ADGRV1: variants seen among roughly 807,000 people sequenced by gnomAD.
ADGRV1 encodes the protein G-protein coupled receptor 98.
Under a neutral mutation model 596.2 loss-of-function variants are expected in ADGRV1, and 359 were observed. That is an observed-to-expected ratio of 0.60 (90% CI 0.55 to 0.66). The LOEUF (loss-of-function observed/expected upper bound fraction) is 0.66. ADGRV1 is among the 30% of genes least tolerant of loss of function. ADGRV1 has a pLI of 0.00. For synonymous variants in ADGRV1, 2,681 were observed against 2,679.2 expected (o/e 1.00, Z -0.02); for missense variants, 7,274 against 7,575.6 (o/e 0.96, Z 1.48).
Position 90,974,451 on chromosome 5 carries a change from A to G in ADGRV1, c.17973+8920A>G, listed in dbSNP as rs558111454. ...ATCACACTACCTGACTTCAAACTATAGTACAAGGCTACATTAACCAAAACA... is the reference window on the plus strand; with the variant it reads ...ATCACACTACCTGACTTCAAACTATGGTACAAGGCTACATTAACCAAAACA... On this transcript the variant is annotated intron_variant, in intron 84 of 89. Transcript: ENST00000405460. Among the ~76,000 whole-genome samples, 432 of 152,340 alleles carry G rather than the reference A, an allele frequency of 2.8e-3. 1 individual carries two copies. The highest frequency in any genetic ancestry group is 0.01 in the African/African-American group (418 of 41,576).
intron 87 of ADGRV1, among the ~76,000 whole-genome samples, chr5:91,119,486 G>A (rs1390164702): frequency 1.3e-5 from 2 of 152,114 alleles, no homozygotes; most frequent in Admixed American, 1.3e-4. Flanking sequence ...CCAACTTATC[G>A]CCTACCCCCA....
chr5:91,088,469 A>G, intron 86 of ADGRV1, among the ~76,000 whole-genome samples: 1 of 152,178 alleles, frequency 6.6e-6, no homozygotes, highest in East Asian at 1.9e-4. Context: ...ATGTAGCAAG[A>G]TCTGCCTAGT....
chr5:90,646,391 G>T (rs545209959), intron 16 of ADGRV1, among the ~76,000 whole-genome samples: 5 of 148,722 alleles, frequency 3.4e-5, no homozygotes, highest in Non-Finnish European at 7.4e-5. Context: ...CCCCCTTTCA[G>T]ATTTCTCGGT....
At chr5:90,562,904 C>G (rs1755048920) in intron 1 of ADGRV1, among the ~76,000 whole-genome samples, 1 of 152,112 alleles carries the variant, frequency 6.6e-6, no homozygotes, top group South Asian at 2.1e-4. Context: ...ATTTTAATTT[C>G]ATAAATCTAT....
intron 74 of ADGRV1, among the ~76,000 whole-genome samples, chr5:90,812,022 G>A (rs930368813): frequency 3.3e-5 from 5 of 150,406 alleles, no homozygotes; most frequent in Admixed American, 6.7e-5. Flanking sequence ...TCTGCCTCCC[G>A]GGTTCAAGCA....
chr5:91,157,669 CTGT>C, intron 89 of ADGRV1, among the ~76,000 whole-genome samples: 1 of 152,242 alleles, frequency 6.6e-6, no homozygotes, highest in Middle Eastern at 3.4e-3. Flanking sequence ...TTCTTTTATA[CTGT>C]TACCATTACA....
intron 86 of ADGRV1, among the ~76,000 whole-genome samples, chr5:91,094,350 T>G (rs563625258): frequency 6.6e-6 from 1 of 151,528 alleles, no homozygotes; most frequent in South Asian, 2.1e-4. Context: ...TCCCAGCTAC[T>G]CGGGAGACTG....
chr5:90,832,564 T>A (rs1337828593), intron 77 of ADGRV1, among the ~76,000 whole-genome samples: 1 of 152,138 alleles, frequency 6.6e-6, no homozygotes, highest in African/African-American at 2.4e-5. Context: ...TCTCTTCACT[T>A]TGTTGATTGT....
intron 87 of ADGRV1, among the ~76,000 whole-genome samples, chr5:91,134,485 C>T (rs563752530): frequency 3.3e-5 from 5 of 152,316 alleles, no homozygotes; most frequent in South Asian, 4.1e-4. Flanking sequence ...TGAGCCACTG[C>T]GCCCAACTGC....
At chr5:90,802,207 T>G (rs1259339208) in intron 70 of ADGRV1, among the ~76,000 whole-genome samples, 1 of 152,004 alleles carries the variant, frequency 6.6e-6, no homozygotes, top group Non-Finnish European at 1.5e-5. Context: ...TTGTTTAGTT[T>G]TGTTTGTTCT....
At chr5:90,990,185 A>G (rs1780850714) in intron 85 of ADGRV1, among the ~76,000 whole-genome samples, 1 of 152,076 alleles carries the variant, frequency 6.6e-6, no homozygotes, top group African/African-American at 2.4e-5. Context: ...TCATTTGTCT[A>G]CCTACAAAGT....
intron 83 of ADGRV1, among the ~76,000 whole-genome samples, chr5:90,876,394 A>G (rs1449326023): frequency 6.6e-6 from 1 of 152,200 alleles, no homozygotes; most frequent in African/African-American, 2.4e-5. Context: ...TTACAATTAT[A>G]TAAAAATATC....
intron 1 of ADGRV1, among the ~76,000 whole-genome samples, chr5:90,567,360 A>G: frequency 6.6e-6 from 1 of 152,022 alleles, no homozygotes; most frequent in Non-Finnish European, 1.5e-5. Flanking sequence ...TTTTATATAT[A>G]TATTTTTAAG....
chr5:90,939,531 T>G (rs193064858), intron 83 of ADGRV1, among the ~76,000 whole-genome samples: 83 of 152,270 alleles, frequency 5.5e-4, no homozygotes, highest in Admixed American at 2.2e-3. Flanking sequence ...TGAAGATATT[T>G]GTGGATTAAT....
chr5:90,618,134 A>G (rs1763602983), intron 3 of ADGRV1, among the ~76,000 whole-genome samples, 181 bp downstream of exon 3: 1 of 152,148 alleles, frequency 6.6e-6, no homozygotes, highest in Non-Finnish European at 1.5e-5. Flanking sequence ...TTATTCCTTG[A>G]TCTTGTTCAG....
At position 90,689,909 on chromosome 5, in the gene ADGRV1, A is replaced by C; in HGVS notation, c.6539A>C (p.Glu2180Ala). ...ASSDVVLLEG[E>A]TSKAVPIYVI... ...TCAGATGTGGTCTTGCTAGAAGGGG[A>C]AACCAGTAAAGCCGTGCCAATATAT... The change falls in exon 30 of 90, where the codon GAA (glutamate) becomes GCA (alanine). Residue 2180 changes from glutamate to alanine, a missense_variant. Glu to Ala is a moderately radical substitution (Grantham distance 107). This residue lies in a region of ADGRV1 where 3,643 missense variants were observed against 3,809.2 expected (regional missense o/e 0.96). Transcript: ENST00000405460. 1 of 1,613,408 alleles carries C rather than the reference A, an allele frequency of 6.2e-7. No homozygotes were observed. The highest frequency in any genetic ancestry group is 8.5e-7 in the Non-Finnish European group (1 of 1,179,578).
chr5:90,837,457 G>A (rs765788915), intron 77 of ADGRV1, among the ~76,000 whole-genome samples: 3 of 148,672 alleles, frequency 2.0e-5, no homozygotes, highest in Admixed American at 1.4e-4. Context: ...TGCAACCTCT[G>A]CCTCCTGGGT....
intron 84 of ADGRV1, among the ~76,000 whole-genome samples, chr5:90,979,787 A>G (rs913036200): frequency 5.3e-5 from 8 of 152,252 alleles, no homozygotes. Context: ...TTACCACAGA[A>G]GGAAATTAAA....
chr5:91,051,672 G>A (rs752448448), intron 85 of ADGRV1, among the ~76,000 whole-genome samples: 3 of 149,866 alleles, frequency 2.0e-5, no homozygotes, highest in South Asian at 2.1e-4. Context: ...TCAGCCTCCC[G>A]AGTAGCTGGA....
Sources: allele counts gnomAD v4.1 joint callset (sites outside exome capture counted in the v4.1 genomes callset), GRCh38; gene constraint gnomAD v4.1.1; regional missense constraint gnomAD v4.1.1; transcripts MANE v1.5; gene names NCBI Gene and HGNC (gene_info 2026-07-23, HGNC 2026-07-21).